Variants in ACTR3C observed in about 807,000 individuals in gnomAD.
ACTR3C encodes the protein actin-related protein 3C.
Under a neutral mutation model 26.3 loss-of-function variants are expected in ACTR3C, and 18 were observed. That is an observed-to-expected ratio of 0.68 (90% CI 0.47 to 1.01). ACTR3C has a LOEUF of 1.01. Among genes scored for constraint, ACTR3C ranks in the 50% least tolerant of loss-of-function variants. The probability of loss-of-function intolerance (pLI) is 0.00; values close to 1 mark genes in which losing one functional copy is unlikely to be tolerated. For synonymous variants in ACTR3C, 55 were observed against 94.5 expected (o/e 0.58, Z 2.42); for missense variants, 184 against 250.7 (o/e 0.73, Z 1.80).
the ACTR3C span, among the ~76,000 whole-genome samples, chr7:150,039,901 G>T: frequency 7.6e-6 from 1 of 132,224 alleles, no homozygotes; most frequent in Non-Finnish European, 1.7e-5. Flanking sequence ...GTCGTGAGGG[G>T]TGCCTCCTCC....
chr7:150,136,669 C>CATAAATAAATAAATAAATAA, the ACTR3C span, among the ~76,000 whole-genome samples: 338 of 148,360 alleles, frequency 2.3e-3, 4 homozygotes, highest in African/African-American at 8.1e-3. Context: ...GACTCCATCT[C>CATAAATAAATAAATAAATAA]ATAAATAAAT....
the ACTR3C span, among the ~76,000 whole-genome samples, chr7:149,900,212 G>A: frequency 6.6e-6 from 1 of 151,844 alleles, no homozygotes; most frequent in Admixed American, 6.6e-5. Flanking sequence ...GTATCGCTCT[G>A]TCACCCAGGC....
chr7:150,102,831 T>A, the ACTR3C span, among the ~76,000 whole-genome samples: 1 of 151,946 alleles, frequency 6.6e-6, no homozygotes, highest in Non-Finnish European at 1.5e-5. Context: ...TCTATTCTTT[T>A]CTCCTCTTAT....
At chr7:150,311,000 C>A (rs768639593) in intron 1 of ACTR3C, among the ~76,000 whole-genome samples, 2 of 152,116 alleles carry the variant, frequency 1.3e-5, no homozygotes, top group Non-Finnish European at 2.9e-5. Context: ...AGTTAATCTC[C>A]CAGGCCCCTA....
chr7:149,945,491 C>T, the ACTR3C span, among the ~76,000 whole-genome samples: 92 of 152,290 alleles, frequency 6.0e-4, no homozygotes, highest in Middle Eastern at 3.4e-3. Flanking sequence ...GGCTTACAAG[C>T]GCAGGAATGC....
the ACTR3C span, among the ~76,000 whole-genome samples, chr7:149,957,519 C>T: frequency 6.6e-6 from 1 of 151,992 alleles, no homozygotes; most frequent in Non-Finnish European, 1.5e-5. Flanking sequence ...TCTTCTCTTG[C>T]TCTTGGACAT....
chr7:149,941,843 G>A, the ACTR3C span, among the ~76,000 whole-genome samples: 35,552 of 151,776 alleles, frequency 0.23, 6,481 homozygotes, highest in African/African-American at 0.52. Flanking sequence ...GAACTTGGAC[G>A]AAGCCCTGCC....
the ACTR3C span, among the ~76,000 whole-genome samples, chr7:150,042,154 G>A: frequency 2.4e-4 from 9 of 37,620 alleles, no homozygotes; most frequent in East Asian, 1.0e-3. Flanking sequence ...GGAACCAGGG[G>A]CTGGCTCTCA....
At chr7:150,141,299 T>G in the ACTR3C span, among the ~76,000 whole-genome samples, 9 of 152,190 alleles carry the variant, frequency 5.9e-5, no homozygotes, top group Non-Finnish European at 1.3e-4. Context: ...CTCCTAAGAA[T>G]GCAATTAGGG....
At chr7:150,159,126 A>G in the ACTR3C span, among the ~76,000 whole-genome samples, 1 of 152,202 alleles carries the variant, frequency 6.6e-6, no homozygotes, top group Non-Finnish European at 1.5e-5. Flanking sequence ...TCAAAACACC[A>G]TATCGCGCAC....
At chr7:150,303,253 C>A (rs1252031742) in intron 1 of ACTR3C, among the ~76,000 whole-genome samples, 1 of 152,214 alleles carries the variant, frequency 6.6e-6, no homozygotes, top group Non-Finnish European at 1.5e-5. Context: ...CTGCCCTTAA[C>A]ACCCTCCTCC....
chr7:150,194,406 G>C, the ACTR3C span, among the ~76,000 whole-genome samples: 125 of 148,306 alleles, frequency 8.4e-4, no homozygotes, highest in African/African-American at 3.0e-3. Flanking sequence ...AACTACTCCA[G>C]CTTCTTTGTG....
the ACTR3C span, among the ~76,000 whole-genome samples, chr7:150,032,241 A>C: frequency 6.6e-6 from 1 of 152,212 alleles, no homozygotes; most frequent in Non-Finnish European, 1.5e-5. Flanking sequence ...CAGGTAGATG[A>C]GGTTGCTGCT....
intron 6 of ACTR3C, among the ~76,000 whole-genome samples, chr7:150,256,703 G>A (rs1384727917): frequency 6.6e-6 from 1 of 151,902 alleles, no homozygotes; most frequent in African/African-American, 2.4e-5. Context: ...CCAAACCCTA[G>A]TGACACATAA....
At chr7:149,901,271 T>C in the ACTR3C span, among the ~76,000 whole-genome samples, 2 of 151,640 alleles carry the variant, frequency 1.3e-5, no homozygotes, top group African/African-American at 4.8e-5. Context: ...TGTAACTTTA[T>C]TACAGTGGTA....
At chr7:149,888,104 A>G in the ACTR3C span, among the ~76,000 whole-genome samples, 1 of 152,236 alleles carries the variant, frequency 6.6e-6, no homozygotes, top group Non-Finnish European at 1.5e-5. Flanking sequence ...GCCTGTTGTT[A>G]TAAGTCAGTT....
the ACTR3C span, among the ~76,000 whole-genome samples, chr7:149,978,192 C>A: frequency 6.6e-6 from 1 of 152,192 alleles, no homozygotes; most frequent in Admixed American, 6.5e-5. Context: ...TTTGTATGAG[C>A]AGTGGCAGCG....
chr7:150,283,012 C>A (rs1387641641), intron 6 of ACTR3C, among the ~76,000 whole-genome samples: 4 of 144,942 alleles, frequency 2.8e-5, no homozygotes, highest in Non-Finnish European at 5.9e-5. Flanking sequence ...ACCCAGGCGC[C>A]TTTCGCCACC....
the ACTR3C span, among the ~76,000 whole-genome samples, chr7:150,152,497 A>C: frequency 6.6e-6 from 1 of 152,160 alleles, no homozygotes; most frequent in South Asian, 2.1e-4. Context: ...AGCCCACTTG[A>C]TCATGGTGGA....
Sources: gnomAD v4.1 joint callset for allele counts (sites outside exome capture counted in the v4.1 genomes callset) on GRCh38, gnomAD v4.1.1 for gene constraint, MANE v1.5 for transcripts, NCBI Gene and HGNC (gene_info 2026-07-23, HGNC 2026-07-21) for gene names.